Variants in NDUFA5 observed in about 807,000 individuals in gnomAD.
The protein encoded by NDUFA5 is NADH dehydrogenase [ubiquinone] 1 alpha subcomplex subunit 5.
A neutral mutation model predicts 19.8 loss-of-function variants in NDUFA5; 11 were observed. The observed-to-expected ratio is 0.56, with a 90% CI of 0.35 to 0.92. The LOEUF (loss-of-function observed/expected upper bound fraction) is 0.92. NDUFA5 is among the 40% of genes least tolerant of loss of function. The probability of loss-of-function intolerance (pLI) is 0.01; values close to 1 mark genes in which losing one functional copy is unlikely to be tolerated. For missense variants in NDUFA5, 109 were observed against 134.2 expected, an observed-to-expected ratio of 0.81 and a Z score of 0.93; for synonymous variants, 47 against 46.8, an observed-to-expected ratio of 1.00 and a Z score of -0.01.
chr7:123,591,077 C>T, the NDUFA5 span, among the ~76,000 whole-genome samples: 1 of 152,082 alleles, frequency 6.6e-6, no homozygotes, highest in Admixed American at 6.6e-5. Context: ...AATGGGAGTT[C>T]ACTCATAATT....
At chr7:123,552,622 A>G (rs1798390056) in intron 2 of NDUFA5, among the ~76,000 whole-genome samples, 1 of 148,096 alleles carries the variant, frequency 6.8e-6, no homozygotes, top group Non-Finnish European at 1.5e-5. Flanking sequence ...GTACCCCAGA[A>G]CTTAAAGTAT....
chr7:123,557,974 C>A (rs1335530507), upstream of NDUFA5: 1 of 980,924 alleles, frequency 1.0e-6, no homozygotes, highest in Admixed American at 2.4e-5. Flanking sequence ...TTGACGCATG[C>A]GCGATGGGCA....
At chr7:123,591,409 C>A in the NDUFA5 span, among the ~76,000 whole-genome samples, 1 of 152,140 alleles carries the variant, frequency 6.6e-6, no homozygotes, top group Non-Finnish European at 1.5e-5. Context: ...CAGTTTTTGC[C>A]CACTTAGTAA....
At chr7:123,568,524 GA>G in the NDUFA5 span, among the ~76,000 whole-genome samples, 1,227 of 87,534 alleles carry the variant, frequency 0.014, 5 homozygotes, top group Admixed American at 0.02. Flanking sequence ...TCCATCTCAA[GA>G]AAAAAAAAAA....
rs999852197 is a variant in NDUFA5, at chr7:123,540,886, G to A, written c.*1233C>T. 9 of 100,486 alleles carry A rather than the reference G, an allele frequency of 9.0e-5. No homozygotes were observed. 6.2% of individuals were successfully genotyped at this position (100,486 alleles called of 1,614,324 possible). Reference sequence around the variant, plus strand: ...TCATTCTGAGCAAATGTGCGCATGCGCGTGCACACACACACACACACACAC... The same window carrying A: ...TCATTCTGAGCAAATGTGCGCATGCACGTGCACACACACACACACACACAC... On this transcript the variant is annotated 3_prime_UTR_variant, in exon 5 of 5. Transcript: ENST00000355749.
chr7:123,538,260 CA>C lies in NDUFA5; in HGVS notation c.*3858del, dbSNP rs1220786037. 1 of 152,306 alleles carries C rather than the reference CA, an allele frequency of 6.6e-6. No individual in the cohort carries two copies. The highest frequency in any genetic ancestry group is 6.5e-5 in the Admixed American group (1 of 15,292). The allele number at this position is 152,306 out of a possible 1,614,324, so 9.4% of individuals were successfully genotyped here. A position where few individuals can be genotyped will look rare whatever the true frequency, so the allele number is the denominator to read the frequency against. ...AGACATGCAGTATGAATAAAAAATA[CA>C]CTTAAGACACTGGGATTTAAGGATA... On this transcript the variant is annotated 3_prime_UTR_variant, in exon 5 of 5. Coordinates refer to ENST00000355749, the MANE Select transcript of NDUFA5 (RefSeq NM_005000.5).
chr7:123,575,657 C>A, the NDUFA5 span, among the ~76,000 whole-genome samples: 1 of 151,982 alleles, frequency 6.6e-6, no homozygotes. Context: ...ATGTTTGTAA[C>A]CTTTATCTTT....
chr7:123,556,079 C>T (rs1798528850), intron 2 of NDUFA5: 1 of 151,974 alleles, frequency 6.6e-6, no homozygotes, highest in South Asian at 2.1e-4. Flanking sequence ...GAAGGTGGAA[C>T]CTAGAGGGTT....
chr7:123,592,410 T>C, the NDUFA5 span, among the ~76,000 whole-genome samples: 1 of 152,238 alleles, frequency 6.6e-6, no homozygotes, highest in South Asian at 2.1e-4. Context: ...CTGCTTTCTC[T>C]TGTGGGCATT....
At chr7:123,589,930 C>T in the NDUFA5 span, among the ~76,000 whole-genome samples, 4 of 152,146 alleles carry the variant, frequency 2.6e-5, no homozygotes, top group African/African-American at 9.7e-5. Context: ...ATTTACACTC[C>T]CACCAACAGT....
chr7:123,595,466 C>T, the NDUFA5 span, among the ~76,000 whole-genome samples: 1 of 152,358 alleles, frequency 6.6e-6, no homozygotes, highest in Admixed American at 6.5e-5. Flanking sequence ...TGTTCCCTCT[C>T]AGACTATCCT....
In NDUFA5 at chr7:123,542,185, C is replaced by T. The variant is rs746093325; in HGVS notation, c.285G>A (p.Arg95=). The T allele has an allele frequency of 3.1e-6, 5 of 1,612,036 alleles. No homozygotes were observed. The African/African-American group carries it at 4.0e-5, about 13-fold the overall frequency. Residue 95 remains arginine, a synonymous_variant, in exon 5 of 5, where the codon AGG becomes AGA. Coordinates refer to ENST00000355749, the MANE Select transcript of NDUFA5 (RefSeq NM_005000.5). The part of the protein sequence containing the change: ...EHELNLARKM[R]EWKLWEPLVE... ...CTAATGGCTCCCATAGTTTCCATTC[C>T]CTCATTTTTCTTGCCAGATTTAGTT...
the NDUFA5 span, among the ~76,000 whole-genome samples, chr7:123,589,602 A>G: frequency 5.5e-3 from 832 of 152,146 alleles, 9 homozygotes; most frequent in African/African-American, 0.019. Flanking sequence ...TATTTTGCTG[A>G]GAATGGTGGT....
chr7:123,565,396 TACACACAC>T, the NDUFA5 span, among the ~76,000 whole-genome samples: 24 of 148,344 alleles, frequency 1.6e-4, no homozygotes, highest in South Asian at 6.5e-4. Flanking sequence ...TAGCTTATAA[TACACACAC>T]ACACACACAC....
the NDUFA5 span, among the ~76,000 whole-genome samples, chr7:123,593,326 G>A: frequency 6.6e-6 from 1 of 152,104 alleles, no homozygotes; most frequent in African/African-American, 2.4e-5. Flanking sequence ...AATGTTAGCT[G>A]GTTATTTTGC....
intron 2 of NDUFA5, 130 bp from the exon 3 acceptor site, chr7:123,550,716 A>C: frequency 1.6e-6 from 1 of 608,696 alleles, no homozygotes; most frequent in Non-Finnish European, 2.8e-6. Context: ...TTTTTAATTT[A>C]ACTCTTCTTT....
the NDUFA5 span, among the ~76,000 whole-genome samples, chr7:123,595,287 T>C: frequency 6.6e-6 from 1 of 152,192 alleles, no homozygotes; most frequent in Non-Finnish European, 1.5e-5. Context: ...CTACCATCCC[T>C]TGATGATCTT....
rs761667302 is a variant in NDUFA5 at position 123,550,536 on chromosome 7, A to T, written c.117T>A (p.Pro39=). The part of the protein sequence containing the change: ...TKILDVLEEI[P]KNAAYRKYTE... ...TATACTTTCTATATGCTGCATTTTT[A>T]GGGATTTCCTCAAGAACATCAAGAA... Residue 39 remains proline (P), a synonymous_variant, in exon 3 of 5, where the codon CCT becomes CCA. Coordinates refer to ENST00000355749, the MANE Select transcript of NDUFA5 (RefSeq NM_005000.5). 1 of 1,611,444 alleles carries T rather than the reference A, an allele frequency of 6.2e-7. No homozygotes were observed. The highest frequency in any genetic ancestry group is 1.7e-5 in the Admixed American group (1 of 59,880).
At chr7:123,601,131 T>A in the NDUFA5 span, among the ~76,000 whole-genome samples, 2 of 152,138 alleles carry the variant, frequency 1.3e-5, no homozygotes. Flanking sequence ...CAAGGATAGC[T>A]GTGTCAAAAC....
Sources: allele counts gnomAD v4.1 joint callset (sites outside exome capture counted in the v4.1 genomes callset), GRCh38; gene constraint gnomAD v4.1.1; transcripts MANE v1.5; gene names NCBI Gene and HGNC (gene_info 2026-07-23, HGNC 2026-07-21).